The following POLE variants were observed in gnomAD, a reference collection of about 807,000 sequenced individuals.
The protein encoded by POLE is DNA polymerase epsilon catalytic subunit A.
Under a neutral mutation model 279.2 loss-of-function variants are expected in POLE, and 188 were observed. That is an observed-to-expected ratio of 0.67 (90% CI 0.60 to 0.76). The LOEUF (loss-of-function observed/expected upper bound fraction) is 0.76. Ranked by LOEUF, POLE falls within the 30% of genes least tolerant of loss-of-function variation. POLE has a pLI of 0.00. For synonymous variants in POLE, 1,214 were observed against 1,172.5 expected (o/e 1.04, Z -0.72); for missense variants, 2,703 against 3,016.7 (o/e 0.90, Z 2.44).
Position 132,673,157 on chromosome 12 carries a change from T to G in POLE, c.1473+7A>C. 1 of 1,573,456 alleles carries G rather than the reference T, an allele frequency of 6.4e-7. No homozygotes were observed. Among genetic ancestry groups the G allele is most frequent in the Non-Finnish European group, 8.7e-7 (1 of 1,142,916 alleles). ...GCCAGGGTGCCGACAGGACAGATAATGCTCACCTCGTCGGGCTCCATGGGA... is the reference window on the plus strand; with the variant it reads ...GCCAGGGTGCCGACAGGACAGATAAGGCTCACCTCGTCGGGCTCCATGGGA... On this transcript the variant is annotated splice_region_variant and intron_variant, in intron 14 of 48. Transcript: ENST00000320574.
chr12:132,643,500 G>A lies in POLE; in HGVS notation c.4351C>T (p.Leu1451=), dbSNP rs2138552132. The change falls in exon 34 of 49, where the codon CTG becomes TTG. Residue 1451 remains leucine, a synonymous_variant. Coordinates refer to ENST00000320574, the MANE Select transcript of POLE (RefSeq NM_006231.4). The stretch of plus-strand genomic sequence containing the variant: ...TCCCAGCCTGAAAGGTGCCTCACCA[G>A]CTGTTTATTGACCACACACACACAG... ...LGCVCVVNKQ[L]VRHLSGWEAE... is the part of the protein sequence containing the mutation. 1.2e-6 allele frequency: 2 copies of A among 1,614,202 alleles called. No homozygotes were observed. Among genetic ancestry groups the A allele is most frequent in the Non-Finnish European group, 1.7e-6 (2 of 1,180,046 alleles).
intron 29 of POLE, among the ~76,000 whole-genome samples, chr12:132,656,261 A>G (rs1328821011): frequency 1.3e-5 from 2 of 152,184 alleles, no homozygotes; most frequent in Admixed American, 1.3e-4. Context: ...TGCCTGGGCA[A>G]TAGAGCAAGA....
Position 132,664,611 on chromosome 12 carries a change from T to C in POLE, c.2469-149A>G. Reference sequence around the variant, plus strand: ...TGCGTGCACCAGGACAGAACTAAGGTGGAATCTGGCTCTGCCCGAGGACAC... The same window carrying C: ...TGCGTGCACCAGGACAGAACTAAGGCGGAATCTGGCTCTGCCCGAGGACAC... On this transcript the variant is annotated intron_variant, in intron 21 of 48. Transcript: ENST00000320574. The surrounding 1 kb of genome is among the most constrained non-coding windows in gnomAD (Gnocchi z 5.3). 1 of 674,342 alleles carries C rather than the reference T, an allele frequency of 1.5e-6. No homozygotes were observed. Among genetic ancestry groups the C allele is most frequent in the Non-Finnish European group, 2.7e-6 (1 of 375,786 alleles). 41.8% of individuals were successfully genotyped at this position (674,342 alleles called of 1,614,324 possible). A position where few individuals can be genotyped will look rare whatever the true frequency, so the allele number is the denominator to read the frequency against.
At chr12:132,636,716 C>A (rs1255394684) in intron 41 of POLE, among the ~76,000 whole-genome samples, 1 of 152,156 alleles carries the variant, frequency 6.6e-6, no homozygotes, top group African/African-American at 2.4e-5. Flanking sequence ...GACTGCACCA[C>A]TGCACTCCAG....
Position 132,673,183 on chromosome 12 carries a change from A to C in POLE, c.1454T>G (p.Ile485Ser). 1.2e-6 allele frequency: 2 copies of C among 1,607,310 alleles called. No homozygotes were observed. Among genetic ancestry groups the C allele is most frequent in the Non-Finnish European group, 1.7e-6 (2 of 1,173,696 alleles). The change falls in exon 14 of 49, where the codon ATT (isoleucine) becomes AGT (serine). Residue 485 changes from isoleucine (I) to serine (S), a missense_variant. Transcript: ENST00000320574. Reference sequence around the variant, plus strand: ...GCTCACCTCGTCGGGCTCCATGGGAATAATGGTGCACAGAGCAAAGATGAA... The same window carrying C: ...GCTCACCTCGTCGGGCTCCATGGGACTAATGGTGCACAGAGCAAAGATGAA... ...HPFIFALCTI[I>S]PMEPDEVLRK...
chr12:132,624,801 C>G lies in POLE; in HGVS notation c.6757G>C (p.Glu2253Gln), dbSNP rs376140352. 40 of 1,610,554 alleles carry G rather than the reference C, an allele frequency of 2.5e-5. 2 individuals carry two copies. In the South Asian group the frequency reaches 4.2e-4, roughly 17 times the overall value. The change falls in exon 49 of 49, where the codon GAA becomes CAA. Residue 2253 changes from glutamate to glutamine, a missense_variant. By Grantham distance (29) the Glu-to-Gln change is conservative. Transcript: ENST00000320574. ...ATGTTCCGGAATATTCCGATCTGTT[C>G]CATGAAGACCTGCAGGAATAAACAG... ...ALTIHTQVFM[E>Q]QIGIFRNIAQ... is the part of the protein sequence containing the mutation.
chr12:132,661,539 T>G lies in POLE; in HGVS notation c.2852A>C (p.Lys951Thr), dbSNP rs1555226017. 6.2e-7 allele frequency: 1 copy of G among 1,614,156 alleles called. No homozygotes were observed. Among genetic ancestry groups the G allele is most frequent in the South Asian group, 1.1e-5 (1 of 91,082 alleles). ...ILPASKEEGK[K>T]LKKRYAVFNE... ...ATGAGAGTCCCACCTCTTCTTCAAT[T>G]TCTTGCCTTCTTCCTTGGAGGCTGG... Residue 951 changes from lysine (K) to threonine (T), a missense_variant, in exon 24 of 49, where the codon AAA becomes ACA. Transcript: ENST00000320574. This position sits in a 1 kb window ranked among gnomAD's most constrained non-coding sequence, Gnocchi z 4.1.
At chr12:132,673,079 C>T in intron 14 of POLE, 85 bp downstream of exon 14, 1 of 936,852 alleles carries the variant, frequency 1.1e-6, no homozygotes, top group Non-Finnish European at 1.8e-6. Context: ...ACTCCTGGGA[C>T]ATCCACCTCC....
intron 32 of POLE, among the ~76,000 whole-genome samples, chr12:132,644,323 C>CTTTTT (rs57257940): frequency 2.0e-4 from 22 of 107,708 alleles, no homozygotes; most frequent in African/African-American, 3.3e-4. Context: ...CCACGGATGG[C>CTTTTT]TTTTTTTTTT....
rs2135974252 is a variant in POLE at position 132,668,339 on chromosome 12, C to T, written c.2173+17G>A. 6.4e-7 allele frequency: 1 copy of T among 1,550,402 alleles called. No individual in the cohort carries two copies. The highest frequency in any genetic ancestry group is 8.7e-7 in the Non-Finnish European group (1 of 1,147,024). Reference sequence around the variant, plus strand: ...GGAGCCACATCTTTACAGCCGTGACCATGCCCAGGCACTCACCCGCCAGCC... The same window carrying T: ...GGAGCCACATCTTTACAGCCGTGACTATGCCCAGGCACTCACCCGCCAGCC... On this transcript the variant is annotated intron_variant, in intron 19 of 48. Coordinates refer to ENST00000320574, the MANE Select transcript of POLE (RefSeq NM_006231.4). The surrounding 1 kb of genome is among the most constrained non-coding windows in gnomAD (Gnocchi z 4.0).
In POLE at chr12:132,679,520, G is replaced by A. The variant is rs763871536; in HGVS notation, c.555C>T (p.Asp185=). The A allele has an allele frequency of 9.8e-5, 158 of 1,613,388 alleles. No individual in the cohort carries two copies. The highest frequency in any genetic ancestry group is 1.4e-4 in the South Asian group (13 of 91,074). Residue 185 remains aspartate (D), a synonymous_variant, in exon 6 of 49, where the codon GAC becomes GAT. Transcript: ENST00000320574. ...KKNREQDHAS[D]AYTALLSSVL... ...ACCTGGAAAGCAGAGCTGTGTACGC[G>A]TCGCTGGCGTGATCCTGCTCCCTGT...
intron 25 of POLE, chr12:132,660,569 A>G (rs2042655778): frequency 1.3e-5 from 2 of 157,566 alleles, no homozygotes; most frequent in African/African-American, 4.8e-5. Flanking sequence ...GTAAACTGTC[A>G]AAATGTTATG....
At chr12:132,660,644 C>A in intron 25 of POLE, 1 of 231,062 alleles carries the variant, frequency 4.3e-6, no homozygotes, top group Non-Finnish European at 8.4e-6. Context: ...GGCTGGAGTG[C>A]AGTGGTGCAG....
intron 23 of POLE, among the ~76,000 whole-genome samples, chr12:132,663,595 A>G (rs5744838): frequency 0.53 from 81,056 of 151,990 alleles, 22,853 homozygotes; most frequent in African/African-American, 0.71. Context: ...AAGAGGGGCT[A>G]TGGTGGGAAA....
intron 1 of POLE, among the ~76,000 whole-genome samples, chr12:132,682,077 C>T (rs1005116306): frequency 6.6e-6 from 1 of 152,008 alleles, no homozygotes; most frequent in Non-Finnish European, 1.5e-5. Context: ...GGGCGGATCA[C>T]GAGGTGAGGA....
chr12:132,633,185 C>G (rs917394347), intron 43 of POLE: 1 of 164,064 alleles, frequency 6.1e-6, no homozygotes, highest in African/African-American at 2.6e-5. Flanking sequence ...TTTTTTGAGA[C>G]ACAGTTTCAT....
At position 132,633,936 on chromosome 12, in the gene POLE, C is replaced by T. The variant is rs5745009; in HGVS notation, c.6004+250G>A. 8.7e-4 allele frequency: 364 copies of T among 417,632 alleles called. 2 individuals carry two copies. Among genetic ancestry groups the T allele is most frequent in the African/African-American group, 6.7e-3 (330 of 49,392 alleles). The allele number at this position is 417,632 out of a possible 1,614,324, so 25.9% of individuals were successfully genotyped here. On this transcript the variant is annotated intron_variant, in intron 43 of 48. Coordinates refer to ENST00000320574, the MANE Select transcript of POLE (RefSeq NM_006231.4). ...CCTCAATGACACGGCCAGGGGCAGC[C>T]GCTCCCCATGGAGTTTCCTGAGAGC...
intron 20 of POLE, among the ~76,000 whole-genome samples, chr12:132,666,761 C>G (rs5744808): frequency 0.53 from 81,025 of 152,000 alleles, 22,822 homozygotes; most frequent in African/African-American, 0.71. Context: ...GTTTCCGTTT[C>G]AGAAGGCGAA....
intron 23 of POLE, 101 bp downstream of exon 23, chr12:132,663,903 G>T: frequency 8.0e-7 from 1 of 1,256,686 alleles, no homozygotes; most frequent in Non-Finnish European, 1.1e-6. Flanking sequence ...AGTGCTGGGT[G>T]CCAGGAAGGC....
Sources: allele counts gnomAD v4.1 joint callset (sites outside exome capture counted in the v4.1 genomes callset), GRCh38; gene constraint gnomAD v4.1.1; non-coding constraint Gnocchi (gnomAD v3.1); transcripts MANE v1.5; gene names NCBI Gene and HGNC (gene_info 2026-07-23, HGNC 2026-07-21).